The following LSM11 variants were observed in gnomAD, a reference collection of about 807,000 sequenced individuals.
LSM11 encodes LSM11, U7 small nuclear RNA associated, also known as U7 snRNA-associated Sm-like protein LSm11.
Under a neutral mutation model 28.1 loss-of-function variants are expected in LSM11, and 14 were observed. The ratio of observed to expected loss-of-function variants is 0.50; its 90% CI spans 0.33 to 0.78. LSM11 has a LOEUF of 0.78. Ranked by LOEUF, LSM11 falls within the 30% of genes least tolerant of loss-of-function variation. The probability of loss-of-function intolerance (pLI) is 0.02; values close to 1 mark genes in which losing one functional copy is unlikely to be tolerated. For missense variants in LSM11, 495 were observed against 510.6 expected, an observed-to-expected ratio of 0.97 and a Z score of 0.30; for synonymous variants, 207 against 214.2, an observed-to-expected ratio of 0.97 and a Z score of 0.30.
Position 157,744,029 on chromosome 5 carries a change from G to A in LSM11, c.279G>A (p.Ser93=). ...GSGVPAAPGP[S]GRTRRRPDAP... is the part of the protein sequence containing the mutation. Reference sequence around the variant, plus strand: ...GGGTTCCCGCCGCACCCGGGCCCTCGGGCAGGACTCGTCGCCGCCCGGACG... The same window carrying A: ...GGGTTCCCGCCGCACCCGGGCCCTCAGGCAGGACTCGTCGCCGCCCGGACG... Residue 93 remains serine (S), a synonymous_variant, in exon 1 of 4, where the codon TCG becomes TCA. Coordinates refer to ENST00000286307, the MANE Select transcript of LSM11 (RefSeq NM_173491.4). 2 of 1,400,988 alleles carry A rather than the reference G, an allele frequency of 1.4e-6. No homozygotes were observed. Among genetic ancestry groups the A allele is most frequent in the African/African-American group, 1.5e-5 (1 of 66,870 alleles). 86.8% of individuals were successfully genotyped at this position (1,400,988 alleles called of 1,614,324 possible). A position where few individuals can be genotyped will look rare whatever the true frequency, so the allele number is the denominator to read the frequency against.
intron 1 of LSM11, among the ~76,000 whole-genome samples, chr5:157,750,036 TTC>T (rs1371955843): frequency 3.3e-5 from 5 of 152,186 alleles, no homozygotes; most frequent in African/African-American, 1.2e-4. Flanking sequence ...AAAATAAACT[TTC>T]TACAGAATTT....
At position 157,753,316 on chromosome 5, in the gene LSM11, T is replaced by C. The variant is rs971164615; in HGVS notation, c.589-688T>C. ...AGGGAAAAATGTTTTATTATGATCT[T>C]TTTACCTTTGAAGAATTGAAGAGAA... On this transcript the variant is annotated intron_variant, in intron 2 of 3. Transcript: ENST00000286307. 2.2e-5 allele frequency among the ~76,000 whole-genome samples: 3 copies of C among 137,266 alleles called. No homozygotes were observed. The East Asian group carries it at 7.5e-4, about 34-fold the overall frequency. 90.1% of individuals were successfully genotyped at this position (137,266 alleles called of 152,430 possible). A position where few individuals can be genotyped will look rare whatever the true frequency, so the allele number is the denominator to read the frequency against.
At chr5:157,753,605 A>G (rs900819004) in intron 2 of LSM11, among the ~76,000 whole-genome samples, 3 of 152,224 alleles carry the variant, frequency 2.0e-5, no homozygotes, top group South Asian at 4.1e-4. Flanking sequence ...GCCATCCTGC[A>G]TCAGAATCAC....
rs1236174058 is a variant in LSM11, at chr5:157,757,192, T to C, written c.*1928T>C. On this transcript the variant is annotated 3_prime_UTR_variant, in exon 4 of 4. Transcript: ENST00000286307. ...AAAAAAGGAAAAAAAAAAAAAGTAA[T>C]CTTAGGGTTCATAGTTATGATCCTG... 1 of 151,204 alleles carries C rather than the reference T, an allele frequency of 6.6e-6. No homozygotes were observed. The highest frequency in any genetic ancestry group is 2.4e-5 in the African/African-American group (1 of 40,954). The allele number at this position is 151,204 out of a possible 1,614,324, so 9.4% of individuals were successfully genotyped here. A position where few individuals can be genotyped will look rare whatever the true frequency, so the allele number is the denominator to read the frequency against.
rs1366778173 is a variant in LSM11, at chr5:157,754,897, C to G, written c.716C>G (p.Ala239Gly). 6.2e-7 allele frequency: 1 copy of G among 1,613,994 alleles called. No homozygotes were observed. The highest frequency in any genetic ancestry group is 8.5e-7 in the Non-Finnish European group (1 of 1,179,972). Residue 239 changes from alanine (A) to glycine (G), a missense_variant, in exon 4 of 4, where the codon GCA (alanine) becomes GGA (glycine). Physicochemically the swap from Ala to Gly is moderately conservative, Grantham distance 60. Coordinates refer to ENST00000286307, the MANE Select transcript of LSM11 (RefSeq NM_173491.4). ...CTTCAAGATTCCTCCAAGAAGGAAG[C>G]AGATTCTAAGTCTGCAGTTGAAGAT... is the stretch of plus-strand genomic sequence containing the variant. ...LKLQDSSKKE[A>G]DSKSAVEDST... is the part of the protein sequence containing the mutation.
rs1299852186 is a variant in LSM11, at chr5:157,756,838, T to A, written c.*1574T>A. 2 of 152,614 alleles carry A rather than the reference T, an allele frequency of 1.3e-5. No individual in the cohort carries two copies. The highest frequency in any genetic ancestry group is 2.9e-5 in the Non-Finnish European group (2 of 68,058). 9.5% of individuals were successfully genotyped at this position (152,614 alleles called of 1,614,324 possible). On this transcript the variant is annotated 3_prime_UTR_variant, in exon 4 of 4. Transcript: ENST00000286307. ...CATAGCTTTGTAAGAATTCTGTGTC[T>A]TTATAAGACACAGAAGCAAGGCAGG...
rs1663852316 is a variant in LSM11 at position 157,755,026 on chromosome 5, C to G, written c.845C>G (p.Pro282Arg). The change falls in exon 4 of 4, where the codon CCT (proline) becomes CGT (arginine). Residue 282 changes from proline (P) to arginine (R), a missense_variant. Transcript: ENST00000286307. Reference sequence around the variant, plus strand: ...TCACACAAGCGTTCCCGCTCTGTCCCTTCTTCCCTGCAGGCCTCTGCAAGG... The same window carrying G: ...TCACACAAGCGTTCCCGCTCTGTCCGTTCTTCCCTGCAGGCCTCTGCAAGG... Reference protein sequence around the residue: ...RGSHKRSRSVPSSLQASAREE... With the variant: ...RGSHKRSRSVRSSLQASAREE... 3.1e-6 allele frequency: 5 copies of G among 1,614,078 alleles called. No homozygotes were observed. The highest frequency in any genetic ancestry group is 3.3e-5 in the Admixed American group (2 of 60,000).
rs1380537064 is a variant in LSM11, at chr5:157,758,557, TGAG to T, written c.*3296_*3298del. Reference sequence around the variant, plus strand: ...ACTTCCTCAGGAGAAGGAAAGAAAATGAGGAACATAATGATAGAGTCGGGGAAC... The same window carrying T: ...ACTTCCTCAGGAGAAGGAAAGAAAATGAACATAATGATAGAGTCGGGGAAC... On this transcript the variant is annotated 3_prime_UTR_variant, in exon 4 of 4. Coordinates refer to ENST00000286307, the MANE Select transcript of LSM11 (RefSeq NM_173491.4). 1.3e-5 allele frequency: 2 copies of T among 151,890 alleles called. No individual in the cohort carries two copies. The highest frequency in any genetic ancestry group is 4.8e-5 in the African/African-American group (2 of 41,336). 9.4% of individuals were successfully genotyped at this position (151,890 alleles called of 1,614,324 possible).
rs1010613959 is a variant in LSM11 at position 157,759,239 on chromosome 5, C to T, written c.*3975C>T. ...CTTGTGGTGAAAGAGTCCAGGAGCT[C>T]CTTTAGAGATTGTCAAGTCCTGAGC... On this transcript the variant is annotated 3_prime_UTR_variant, in exon 4 of 4. Coordinates refer to ENST00000286307, the MANE Select transcript of LSM11 (RefSeq NM_173491.4). 1 of 152,108 alleles carries T rather than the reference C, an allele frequency of 6.6e-6. No individual in the cohort carries two copies. The highest frequency in any genetic ancestry group is 1.5e-5 in the Non-Finnish European group (1 of 68,028). 9.4% of individuals were successfully genotyped at this position (152,108 alleles called of 1,614,324 possible).
At position 157,755,988 on chromosome 5, in the gene LSM11, G is replaced by C; in HGVS notation, c.*724G>C. ...GATGGGACTCTAAGATGCTTGTGTGGTGGCTTCTTGTCCTTCTCTTTGACT... is the reference window on the plus strand; with the variant it reads ...GATGGGACTCTAAGATGCTTGTGTGCTGGCTTCTTGTCCTTCTCTTTGACT... On this transcript the variant is annotated 3_prime_UTR_variant, in exon 4 of 4. Coordinates refer to ENST00000286307, the MANE Select transcript of LSM11 (RefSeq NM_173491.4). 1 of 310,614 alleles carries C rather than the reference G, an allele frequency of 3.2e-6. No individual in the cohort carries two copies. The highest frequency in any genetic ancestry group is 5.8e-6 in the Non-Finnish European group (1 of 171,616). The allele number at this position is 310,614 out of a possible 1,614,324, so 19.2% of individuals were successfully genotyped here.
intron 1 of LSM11, among the ~76,000 whole-genome samples, chr5:157,745,180 C>T (rs1182449580): frequency 1.3e-5 from 2 of 152,186 alleles, no homozygotes. Context: ...CTGACATCTG[C>T]CCTGTGAACA....
rs767236088 is a variant in LSM11, at chr5:157,751,422, C to T, written c.481C>T (p.Arg161Cys). 8.1e-6 allele frequency: 13 copies of T among 1,609,628 alleles called. No individual in the cohort carries two copies. The highest frequency in any genetic ancestry group is 1.0e-5 in the Non-Finnish European group (12 of 1,178,434). Residue 161 changes from arginine to cysteine, a missense_variant, in exon 2 of 4, where the codon CGC becomes TGC. By Grantham distance (180) the Arg-to-Cys change is radical. Transcript: ENST00000286307. The part of the protein sequence containing the change: ...HEGSPLGELH[R>C]CIREGVKVNV... ...AGGCAGCCCTCTGGGTGAACTCCAT[C>T]GCTGTATCCGTGAGGGGGTGAAGGT...
rs1188403789 is a variant in LSM11 at position 157,759,016 on chromosome 5, T to G, written c.*3752T>G. 3 of 152,260 alleles carry G rather than the reference T, an allele frequency of 2.0e-5. No individual in the cohort carries two copies. Among genetic ancestry groups the G allele is most frequent in the Non-Finnish European group, 4.4e-5 (3 of 68,056 alleles). The allele number at this position is 152,260 out of a possible 1,614,324, so 9.4% of individuals were successfully genotyped here. A position where few individuals can be genotyped will look rare whatever the true frequency, so the allele number is the denominator to read the frequency against. On this transcript the variant is annotated 3_prime_UTR_variant, in exon 4 of 4. Coordinates refer to ENST00000286307, the MANE Select transcript of LSM11 (RefSeq NM_173491.4). The stretch of plus-strand genomic sequence containing the variant: ...TTATGCTTCCTTCCAGGGACCATCT[T>G]ATGATCAGAGGCAGGATGTCTGTGA...
chr5:157,749,048 T>C (rs1315281704), intron 1 of LSM11, among the ~76,000 whole-genome samples: 1 of 152,208 alleles, frequency 6.6e-6, no homozygotes, highest in Non-Finnish European at 1.5e-5. Flanking sequence ...TGTCGTACTT[T>C]TGATCACACA....
At position 157,754,090 on chromosome 5, in the gene LSM11, A is replaced by G. The variant is rs757801667; in HGVS notation, c.672+3A>G. ...ATTCTTCACTGACTCTCACTAGGGT[A>G]GGCAGTTTTCCCCTGACCTCCTGAG... On this transcript the variant is annotated splice_donor_region_variant and intron_variant, in intron 3 of 3. Transcript: ENST00000286307. The G allele has an allele frequency of 6.4e-7, 1 of 1,555,176 alleles. No individual in the cohort carries two copies. The highest frequency in any genetic ancestry group is 8.7e-7 in the Non-Finnish European group (1 of 1,152,978).
Position 157,751,583 on chromosome 5 carries a change from A to G in LSM11, c.588+54A>G, listed in dbSNP as rs917239577. On this transcript the variant is annotated intron_variant, in intron 2 of 3. Coordinates refer to ENST00000286307, the MANE Select transcript of LSM11 (RefSeq NM_173491.4). ...GAACCTCCTACAGATTATATCTTCT[A>G]TAATATTTAAAGGACCTGAGTAACT... The G allele has an allele frequency of 4.9e-6, 7 of 1,419,916 alleles. No individual in the cohort carries two copies. The African/African-American group carries it at 1.3e-4, about 26-fold the overall frequency. 88.0% of individuals were successfully genotyped at this position (1,419,916 alleles called of 1,614,324 possible). A position where few individuals can be genotyped will look rare whatever the true frequency, so the allele number is the denominator to read the frequency against.
In LSM11 at chr5:157,744,046, G is replaced by C. The variant is rs1297493066; in HGVS notation, c.296G>C (p.Arg99Pro). The C allele has an allele frequency of 7.0e-7, 1 of 1,431,696 alleles. No homozygotes were observed. The highest frequency in any genetic ancestry group is 1.4e-5 in the South Asian group (1 of 72,692). 88.7% of individuals were successfully genotyped at this position (1,431,696 alleles called of 1,614,324 possible). A position where few individuals can be genotyped will look rare whatever the true frequency, so the allele number is the denominator to read the frequency against. Residue 99 changes from arginine (R) to proline (P), a missense_variant, in exon 1 of 4, where the codon CGC becomes CCC. Transcript: ENST00000286307. ...APGPSGRTRRRPDAPAPDPER... is the reference protein window; with the variant it reads ...APGPSGRTRRPPDAPAPDPER... ...GGGCCCTCGGGCAGGACTCGTCGCC[G>C]CCCGGACGCGCCCGCCCCGGACCCC... is the stretch of plus-strand genomic sequence containing the variant.
In LSM11 at chr5:157,754,066, T is replaced by G. The variant is rs757628841; in HGVS notation, c.651T>G (p.Asp217Glu). ...KPVLGKAYER[D>E]SSLTLTRLFD... ...TCCTAGGCAAAGCATATGAACGGGA[T>G]TCTTCACTGACTCTCACTAGGGTAG... is the stretch of plus-strand genomic sequence containing the variant. The change falls in exon 3 of 4, where the codon GAT (aspartate) becomes GAG (glutamate). Residue 217 changes from aspartate to glutamate, a missense_variant. By Grantham distance (45) the Asp-to-Glu change is conservative. Coordinates refer to ENST00000286307, the MANE Select transcript of LSM11 (RefSeq NM_173491.4). 5 of 1,573,218 alleles carry G rather than the reference T, an allele frequency of 3.2e-6. No homozygotes were observed. The South Asian group carries it at 5.9e-5, about 19-fold the overall frequency.
At chr5:157,746,618 T>C (rs568485626) in intron 1 of LSM11, among the ~76,000 whole-genome samples, 2 of 152,300 alleles carry the variant, frequency 1.3e-5, no homozygotes, top group South Asian at 4.1e-4. Context: ...AGTAATAAAA[T>C]TTTAAAAGTA....
Sources: gnomAD v4.1 joint callset for allele counts (sites outside exome capture counted in the v4.1 genomes callset) on GRCh38, gnomAD v4.1.1 for gene constraint, MANE v1.5 for transcripts, NCBI Gene and HGNC (gene_info 2026-07-23, HGNC 2026-07-21) for gene names.